ANKFN1: variants seen among roughly 807,000 people sequenced by gnomAD.
ANKFN1 encodes ankyrin repeat and fibronectin type-III domain-containing protein 1.
In ANKFN1, 74 loss-of-function variants were observed where a neutral mutation model predicts 108.7. That is an observed-to-expected ratio of 0.68 (90% confidence interval 0.56 to 0.83). The LOEUF is 0.83. Ranked by LOEUF, ANKFN1 falls within the 40% of genes least tolerant of loss-of-function variation. ANKFN1 has a pLI of 0.00. For missense variants in ANKFN1, 1,505 were observed against 1,382.3 expected (o/e 1.09, Z -1.41); for synonymous variants, 547 against 516.2 (o/e 1.06, Z -0.81).
At chr17:56,178,183 C>T (rs1315967288) in intron 1 of ANKFN1, among the ~76,000 whole-genome samples, 1 of 152,098 alleles carries the variant, frequency 6.6e-6, no homozygotes, top group East Asian at 1.9e-4. Flanking sequence ...GTGAACTGGG[C>T]CTGGATTAAA....
At chr17:56,092,543 G>A (rs960719978) in intron 4 of ANKFN1, among the ~76,000 whole-genome samples, 3 of 151,024 alleles carry the variant, frequency 2.0e-5, no homozygotes, top group African/African-American at 7.3e-5. Context: ...CAAAGTGTTA[G>A]GATTACAGGC....
intron 12 of ANKFN1, 79 bp downstream of exon 12, chr17:56,457,039 A>T: frequency 7.3e-7 from 1 of 1,378,732 alleles, no homozygotes; most frequent in Admixed American, 2.3e-5. Flanking sequence ...GAAACTTGGT[A>T]GAAATTTTTT....
At chr17:56,338,191 C>CT in intron 4 of ANKFN1, among the ~76,000 whole-genome samples, 1 of 152,056 alleles carries the variant, frequency 6.6e-6, no homozygotes, top group Non-Finnish European at 1.5e-5. Context: ...TCTCAGCAAA[C>CT]TATCACAAGG....
At chr17:56,312,304 G>A (rs2144447943) in intron 3 of ANKFN1, among the ~76,000 whole-genome samples, 1 of 152,198 alleles carries the variant, frequency 6.6e-6, no homozygotes, top group African/African-American at 2.4e-5. Context: ...CCAATTCCCA[G>A]AGGCCTTTTG....
At chr17:56,175,997 C>A (rs1312791390) in intron 1 of ANKFN1, among the ~76,000 whole-genome samples, 1 of 151,446 alleles carries the variant, frequency 6.6e-6, no homozygotes, top group Non-Finnish European at 1.5e-5. Flanking sequence ...AAAAAAATAC[C>A]TTTTTTATGA....
chr17:56,387,905 A>G lies in ANKFN1; in HGVS notation c.910+13191A>G, dbSNP rs548217235. On this transcript the variant is annotated intron_variant, in intron 8 of 20. Coordinates refer to ENST00000682825, the MANE Select transcript of ANKFN1 (RefSeq NM_001370326.1). ...GGTATATAGTTAACTTATATACTCA[A>G]TCTAAGAGTCTGTCTTTTTTTGTAT... 2.0e-5 allele frequency among the ~76,000 whole-genome samples: 3 copies of G among 152,284 alleles called. No homozygotes were observed. The East Asian group carries it at 5.8e-4, about 29-fold the overall frequency.
intron 4 of ANKFN1, among the ~76,000 whole-genome samples, chr17:56,138,712 T>A (rs1907741553): frequency 6.6e-6 from 1 of 152,068 alleles, no homozygotes; most frequent in East Asian, 1.9e-4. Context: ...GGTTTCATCA[T>A]GTTGGCCAGG....
intron 1 of ANKFN1, among the ~76,000 whole-genome samples, chr17:56,172,031 CTG>C (rs1244528760): frequency 3.3e-5 from 5 of 152,138 alleles, no homozygotes; most frequent in African/African-American, 1.2e-4. Context: ...AAAAACAACT[CTG>C]TGTTTAATTG....
intron 1 of ANKFN1, among the ~76,000 whole-genome samples, chr17:56,204,963 C>G (rs558643374): frequency 4.6e-5 from 7 of 152,232 alleles, no homozygotes; most frequent in African/African-American, 1.7e-4. Flanking sequence ...GTAGTCCCAG[C>G]TACTCGGGAG....
intron 1 of ANKFN1, among the ~76,000 whole-genome samples, chr17:56,193,672 C>G (rs936134974): frequency 1.3e-5 from 2 of 151,656 alleles, no homozygotes; most frequent in Middle Eastern, 3.2e-3. Flanking sequence ...AAGCATAACA[C>G]TCCCAGAAGA....
In ANKFN1 at chr17:56,297,588, G is replaced by A. The variant is rs139072397; in HGVS notation, c.54-28633G>A. ...ACCTGGTCCATTGTAGAAGTCACTG[G>A]TAGCAACCTCATGGGAGATGCAGCT... On this transcript the variant is annotated intron_variant, in intron 3 of 20. Coordinates refer to ENST00000682825, the MANE Select transcript of ANKFN1 (RefSeq NM_001370326.1). Among the ~76,000 whole-genome samples the A allele has an allele frequency of 5.4e-4, 82 of 152,282 alleles. 2 individuals carry two copies. Among genetic ancestry groups the A allele is most frequent in the African/African-American group, 1.9e-3 (79 of 41,560 alleles).
At chr17:56,270,015 T>C (rs2043752385) in intron 3 of ANKFN1, among the ~76,000 whole-genome samples, 1 of 152,220 alleles carries the variant, frequency 6.6e-6, no homozygotes, top group Admixed American at 6.5e-5. Flanking sequence ...GTGTCCAAAA[T>C]CTTTTGGAAT....
At chr17:56,046,911 T>G in intron 4 of ANKFN1, among the ~76,000 whole-genome samples, 1 of 152,228 alleles carries the variant, frequency 6.6e-6, no homozygotes, top group East Asian at 1.9e-4. Context: ...CCTCTCAGCC[T>G]GGGGAAAATA....
At chr17:56,228,946 C>T (rs1303316935) in intron 3 of ANKFN1, among the ~76,000 whole-genome samples, 3 of 152,036 alleles carry the variant, frequency 2.0e-5, no homozygotes, top group Non-Finnish European at 2.9e-5. Flanking sequence ...ATATATTATA[C>T]ATGTTCTAAT....
intron 15 of ANKFN1, among the ~76,000 whole-genome samples, chr17:56,476,790 G>A (rs16957286): frequency 0.12 from 18,006 of 152,184 alleles, 1,608 homozygotes; most frequent in African/African-American, 0.25. Flanking sequence ...CTTCGTGGTT[G>A]CATTGTAAAA....
At chr17:56,475,177 G>A (rs1032759555) in intron 15 of ANKFN1, among the ~76,000 whole-genome samples, 2 of 152,102 alleles carry the variant, frequency 1.3e-5, no homozygotes, top group African/African-American at 4.8e-5. Context: ...TTTAGTTCAA[G>A]AAAATAACAC....
intron 4 of ANKFN1, among the ~76,000 whole-genome samples, chr17:56,347,383 A>G (rs1399034474): frequency 1.3e-5 from 2 of 152,030 alleles, no homozygotes; most frequent in Non-Finnish European, 2.9e-5. Context: ...TCACAATTCT[A>G]GAAAAAAAGA....
intron 4 of ANKFN1, among the ~76,000 whole-genome samples, chr17:56,126,901 C>T (rs530114101): frequency 1.3e-5 from 2 of 152,262 alleles, no homozygotes; most frequent in South Asian, 4.1e-4. Flanking sequence ...AATAGAAGCT[C>T]TAAATCATGG....
At chr17:56,297,598 C>T (rs1254170941) in intron 3 of ANKFN1, among the ~76,000 whole-genome samples, 1 of 152,208 alleles carries the variant, frequency 6.6e-6, no homozygotes, top group East Asian at 1.9e-4. Context: ...GTAGCAACCT[C>T]ATGGGAGATG....
Sources: gnomAD v4.1 joint callset for allele counts (sites outside exome capture counted in the v4.1 genomes callset) on GRCh38, gnomAD v4.1.1 for gene constraint, MANE v1.5 for transcripts, NCBI Gene and HGNC (gene_info 2026-07-23, HGNC 2026-07-21) for gene names.